The following LCMT1 variants were observed in gnomAD, a reference collection of about 807,000 sequenced individuals.
LCMT1 encodes [Phosphatase 2A protein]-leucine-carboxy methyltransferase 1.
LCMT1 carries 32 observed loss-of-function variants against 47.7 expected under a neutral mutation model. The ratio of observed to expected loss-of-function variants is 0.67; its 90% confidence interval spans 0.51 to 0.90. The LOEUF is 0.90. LCMT1 is among the 40% of genes least tolerant of loss of function. The pLI is 0.00. For synonymous variants in LCMT1, 152 were observed against 149.7 expected (o/e 1.02, Z -0.11); for missense variants, 375 against 415.2 (o/e 0.90, Z 0.84).
chr16:25,119,569 G>T (rs931950570), intron 1 of LCMT1, among the ~76,000 whole-genome samples: 1 of 152,002 alleles, frequency 6.6e-6, no homozygotes, highest in African/African-American at 2.4e-5. Flanking sequence ...GCAGACCGGG[G>T]CTTATAAGGC....
intron 10 of LCMT1, among the ~76,000 whole-genome samples, chr16:25,176,375 C>T (rs1961939540): frequency 6.6e-6 from 1 of 152,030 alleles, no homozygotes; most frequent in South Asian, 2.1e-4. Context: ...TGATCCGAAA[C>T]AGAACTTGAC....
chr16:25,116,473 G>GT (rs1959788108), intron 1 of LCMT1, among the ~76,000 whole-genome samples: 1 of 152,248 alleles, frequency 6.6e-6, no homozygotes, highest in East Asian at 1.9e-4. Context: ...CTGCGCGATT[G>GT]TTTATGTCCA....
chr16:25,140,027 C>T (rs890056057), intron 3 of LCMT1, 144 bp from the exon 4 acceptor site: 42 of 625,850 alleles, frequency 6.7e-5, no homozygotes, highest in South Asian at 1.8e-4. Flanking sequence ...TTGAGTAATT[C>T]GAAAAACACG....
rs1434344209 is a variant in LCMT1 at position 25,161,113 on chromosome 16, C to T, written c.478C>T (p.Leu160=). Residue 160 remains leucine (L), a synonymous_variant, in exon 6 of 11, where the codon CTG becomes TTG. Transcript: ENST00000399069. ...EDTLQMDGHI[L]DSKRYAVIGA... ...GATTGCATTTGCAGATGGACACATA[C>T]TGGATTCAAAGAGATATGCCGTTAT... 1 of 1,604,248 alleles carries T rather than the reference C, an allele frequency of 6.2e-7. No homozygotes were observed. Among genetic ancestry groups the T allele is most frequent in the South Asian group, 1.1e-5 (1 of 89,584 alleles).
chr16:25,150,628 G>A (rs1228667823), intron 4 of LCMT1, among the ~76,000 whole-genome samples: 1 of 152,032 alleles, frequency 6.6e-6, no homozygotes, highest in Admixed American at 6.6e-5. Flanking sequence ...ACAGGCGTGA[G>A]CCACTGTGCC....
At chr16:25,162,889 G>GA in intron 6 of LCMT1, among the ~76,000 whole-genome samples, 5 of 100,542 alleles carry the variant, frequency 5.0e-5, no homozygotes, top group Non-Finnish European at 1.1e-4. Context: ...TTTTTGTTTG[G>GA]AGACAAGGTC....
At chr16:25,137,540 G>C (rs1333399939) in intron 3 of LCMT1, among the ~76,000 whole-genome samples, 1 of 151,940 alleles carries the variant, frequency 6.6e-6, no homozygotes, top group Non-Finnish European at 1.5e-5. Context: ...CTCCTCCCAG[G>C]CTCAAGCCAT....
intron 4 of LCMT1, among the ~76,000 whole-genome samples, chr16:25,150,249 A>G (rs1021837650): frequency 1.2e-4 from 18 of 151,610 alleles, no homozygotes; most frequent in African/African-American, 4.1e-4. Flanking sequence ...TAATTTGCCC[A>G]AAGTCTTTTA....
intron 4 of LCMT1, chr16:25,148,265 A>G (rs957856380): frequency 6.6e-6 from 1 of 152,230 alleles, no homozygotes; most frequent in African/African-American, 2.4e-5. Context: ...ACCGAATGAC[A>G]GTCAATAAGA....
At chr16:25,150,818 T>G (rs1179150187) in intron 4 of LCMT1, among the ~76,000 whole-genome samples, 1 of 152,222 alleles carries the variant, frequency 6.6e-6, no homozygotes, top group Non-Finnish European at 1.5e-5. Context: ...GCTTTATTTT[T>G]TCTAGATCCA....
intron 1 of LCMT1, 99 bp from the exon 2 acceptor site, chr16:25,128,376 C>T (rs953985304): frequency 1.7e-5 from 14 of 805,410 alleles, no homozygotes; most frequent in African/African-American, 3.5e-5. Context: ...GGTTGGTTTT[C>T]GTCGAGTTCC....
At chr16:25,115,083 C>T (rs1959744587) in intron 1 of LCMT1, among the ~76,000 whole-genome samples, 1 of 152,206 alleles carries the variant, frequency 6.6e-6, no homozygotes, top group Non-Finnish European at 1.5e-5. Flanking sequence ...CCCATTCCCA[C>T]CGTGACACCC....
Position 25,164,650 on chromosome 16 carries a change from C to T in LCMT1, c.622C>T (p.Gln208Ter). 1.2e-6 allele frequency: 2 copies of T among 1,613,950 alleles called. No homozygotes were observed. Among genetic ancestry groups the T allele is most frequent in the South Asian group, 1.1e-5 (1 of 91,086 alleles). ...ECVLVYMTPE[Q>*]SANLLKWAAN... ...TGTGCTGGTTTACATGACTCCAGAGCAGTCCGCAAACCTCCTGAAGTGGGC... is the reference window on the plus strand; with the variant it reads ...TGTGCTGGTTTACATGACTCCAGAGTAGTCCGCAAACCTCCTGAAGTGGGC... The change falls in exon 7 of 11, where the codon CAG becomes TAG. Residue 208 changes from glutamine to a stop codon, truncating the protein, a stop_gained. Coordinates refer to ENST00000399069, the MANE Select transcript of LCMT1 (RefSeq NM_016309.3). LOFTEE classifies it high-confidence loss of function.
intron 4 of LCMT1, chr16:25,140,459 T>C: frequency 1.9e-6 from 1 of 532,522 alleles, no homozygotes; most frequent in South Asian, 2.8e-5. Flanking sequence ...GATCACAGGC[T>C]CTATGGCTCC....
intron 5 of LCMT1, among the ~76,000 whole-genome samples, chr16:25,160,384 A>T (rs927810748): frequency 1.3e-5 from 2 of 152,130 alleles, no homozygotes; most frequent in Non-Finnish European, 2.9e-5. Context: ...ATAGATAACC[A>T]TTTCATCCCA....
chr16:25,168,693 G>A (rs1309538440), intron 7 of LCMT1, among the ~76,000 whole-genome samples: 1 of 152,028 alleles, frequency 6.6e-6, no homozygotes, highest in Non-Finnish European at 1.5e-5. Flanking sequence ...TACCCTAGAG[G>A]TCATTTCATG....
At chr16:25,122,283 T>C (rs1425763583) in intron 1 of LCMT1, among the ~76,000 whole-genome samples, 3 of 116,726 alleles carry the variant, frequency 2.6e-5, no homozygotes, top group African/African-American at 6.7e-5. Flanking sequence ...ATATTTCTTA[T>C]GTGAATCCTC....
intron 9 of LCMT1, among the ~76,000 whole-genome samples, chr16:25,174,443 G>A (rs781636205): frequency 6.4e-4 from 97 of 152,146 alleles, no homozygotes; most frequent in Non-Finnish European, 2.6e-4. Context: ...TTTACATAGA[G>A]AGTGGTGTAA....
At chr16:25,137,961 T>A (rs1473101193) in intron 3 of LCMT1, among the ~76,000 whole-genome samples, 1 of 152,082 alleles carries the variant, frequency 6.6e-6, no homozygotes, top group African/African-American at 2.4e-5. Flanking sequence ...GATTCATCTG[T>A]CCCTCTATAC....
Sources: gnomAD v4.1 joint callset for allele counts (sites outside exome capture counted in the v4.1 genomes callset) on GRCh38, gnomAD v4.1.1 for gene constraint, MANE v1.5 for transcripts, NCBI Gene and HGNC (gene_info 2026-07-23, HGNC 2026-07-21) for gene names.